UNC79: variants seen among roughly 807,000 people sequenced by gnomAD.
UNC79 encodes the protein protein unc-79 homolog.
UNC79 carries 37 observed loss-of-function variants against 283.1 expected under a neutral mutation model. The ratio of observed to expected loss-of-function variants is 0.13; its 90% confidence interval spans 0.10 to 0.17. UNC79 has a LOEUF of 0.17. Among genes scored for constraint, UNC79 ranks in the 10% least tolerant of loss-of-function variants. The pLI is 1.00. For missense variants in UNC79, 2,272 were observed against 3,211.1 expected (o/e 0.71, Z 7.07); for synonymous variants, 1,107 against 1,200.2 (o/e 0.92, Z 1.61).
Position 93,582,353 on chromosome 14 carries a change from G to A in UNC79, c.2803+9G>A. On this transcript the variant is annotated intron_variant, in intron 20 of 48. Coordinates refer to ENST00000555664, the Ensembl canonical transcript of UNC79. ...GCCCGTGGAACATGCTGGTAGGTGTGCACTGACTGCCGGGGAATGCGCCAC... is the reference window on the plus strand; with the variant it reads ...GCCCGTGGAACATGCTGGTAGGTGTACACTGACTGCCGGGGAATGCGCCAC... The A allele has an allele frequency of 6.2e-7, 1 of 1,612,554 alleles. No homozygotes were observed. Among genetic ancestry groups the A allele is most frequent in the Non-Finnish European group, 8.5e-7 (1 of 1,179,404 alleles).
intron 1 of UNC79, among the ~76,000 whole-genome samples, chr14:93,432,060 C>T (rs888978864): frequency 6.6e-6 from 1 of 152,174 alleles, no homozygotes; most frequent in East Asian, 1.9e-4. Flanking sequence ...AAGCAGTACA[C>T]GTTATATGGA....
rs1359041214 is a variant in UNC79 at position 93,491,369 on chromosome 14, ATATT to A, written c.712+3619_712+3622del. On this transcript the variant is annotated intron_variant, in intron 5 of 48. Coordinates refer to ENST00000555664, the Ensembl canonical transcript of UNC79. ...TCTGGCTTAAAATAATCAAAATACT[ATATT>A]TATTATATATTATGTCCTTAATAAA... Among the ~76,000 whole-genome samples, 8 of 152,032 alleles carry A rather than the reference ATATT, an allele frequency of 5.3e-5. No individual in the cohort carries two copies. The East Asian group carries it at 1.5e-3, about 29-fold the overall frequency.
exon 33 of UNC79, chr14:93,641,242 G>C: frequency 6.2e-7 from 1 of 1,611,862 alleles, no homozygotes; most frequent in Non-Finnish European, 8.5e-7. Context: ...CGGTGATGAC[G>C]GACAAGTAAG....
intron 2 of UNC79, among the ~76,000 whole-genome samples, chr14:93,470,301 C>T (rs1412075641): frequency 4.6e-5 from 7 of 152,110 alleles, no homozygotes; most frequent in African/African-American, 1.2e-4. Context: ...AGTAGAGTTT[C>T]GTACCTATTT....
chr14:93,366,257 G>GA (rs2054329992), intron 1 of UNC79, among the ~76,000 whole-genome samples: 1 of 152,150 alleles, frequency 6.6e-6, no homozygotes, highest in South Asian at 2.1e-4. Flanking sequence ...TCTGAGCAAA[G>GA]ATTTTTTAAA....
chr14:93,343,831 CTT>C (rs1314298796), intron 1 of UNC79, among the ~76,000 whole-genome samples: 3 of 152,144 alleles, frequency 2.0e-5, no homozygotes, highest in Admixed American at 2.0e-4. Flanking sequence ...TAATTAAGTT[CTT>C]TTATATAACT....
chr14:93,376,727 A>G (rs1414511060), intron 1 of UNC79, among the ~76,000 whole-genome samples: 1 of 152,042 alleles, frequency 6.6e-6, no homozygotes, highest in Non-Finnish European at 1.5e-5. Flanking sequence ...ATAGTGTGAT[A>G]AATTCGGTTT....
Position 93,612,792 on chromosome 14 carries a change from G to C in UNC79, c.3755-5G>C, listed in dbSNP as rs2066403995. On this transcript the variant is annotated splice_polypyrimidine_tract_variant and splice_region_variant and intron_variant, in intron 26 of 48. Transcript: ENST00000555664. ...ACCCACTGACAGCCTTTCTTCTACT[G>C]ACAGGACAACAATCTCCTGAGAATG... The C allele has an allele frequency of 6.2e-7, 1 of 1,610,586 alleles. No individual in the cohort carries two copies. Among genetic ancestry groups the C allele is most frequent in the Admixed American group, 1.7e-5 (1 of 59,924 alleles).
At position 93,523,970 on chromosome 14, in the gene UNC79, C is replaced by T. The variant is rs1372237507; in HGVS notation, c.899-8C>T. The T allele has an allele frequency of 1.9e-6, 3 of 1,613,942 alleles. No homozygotes were observed. The South Asian group carries it at 3.3e-5, about 18-fold the overall frequency. On this transcript the variant is annotated splice_region_variant and splice_polypyrimidine_tract_variant and intron_variant, in intron 7 of 48. Transcript: ENST00000555664. ...AGAAGTATTCATCAGCTGTGCTTTA[C>T]TTTACAGCTTGGAATCCCATCCACT...
intron 41 of UNC79, among the ~76,000 whole-genome samples, chr14:93,681,860 G>T (rs960152867): frequency 1.3e-5 from 2 of 152,204 alleles, no homozygotes; most frequent in Non-Finnish European, 2.9e-5. Context: ...ATTGAAATCT[G>T]GCAAATCCAT....
chr14:93,506,096 T>C lies in UNC79; in HGVS notation c.898+8810T>C, dbSNP rs972666963. ...TAAGCTCCTATCTGGGATTGAAGTT[T>C]TTTAAAATAATATCCTTTTATATTT... On this transcript the variant is annotated intron_variant, in intron 7 of 48. Coordinates refer to ENST00000555664, the Ensembl canonical transcript of UNC79. 2.6e-5 allele frequency among the ~76,000 whole-genome samples: 4 copies of C among 152,262 alleles called. 1 individual carries two copies. The highest frequency in any genetic ancestry group is 6.5e-5 in the Admixed American group (1 of 15,282).
At chr14:93,365,276 C>T (rs373807435) in intron 1 of UNC79, among the ~76,000 whole-genome samples, 1 of 149,966 alleles carries the variant, frequency 6.7e-6, no homozygotes, top group Non-Finnish European at 1.5e-5. Context: ...ATCCCAGCTA[C>T]TTGAAGGCTG....
intron 1 of UNC79, among the ~76,000 whole-genome samples, chr14:93,361,331 G>A (rs527320077): frequency 3.9e-4 from 59 of 150,760 alleles, no homozygotes; most frequent in South Asian, 1.7e-3. Flanking sequence ...GTGTTACTCC[G>A]GCCCATTTAT....
chr14:93,403,320 G>A (rs931610355), intron 1 of UNC79, among the ~76,000 whole-genome samples: 1 of 152,212 alleles, frequency 6.6e-6, no homozygotes, highest in Non-Finnish European at 1.5e-5. Flanking sequence ...CATTGCCAAG[G>A]TGAAATTCAG....
intron 1 of UNC79, among the ~76,000 whole-genome samples, chr14:93,359,805 G>A (rs1256189613): frequency 2.6e-5 from 4 of 152,160 alleles, no homozygotes; most frequent in African/African-American, 9.7e-5. Flanking sequence ...CTTGAATGAA[G>A]GGGAGGCCGG....
chr14:93,609,854 G>A (rs1044899896), intron 26 of UNC79, among the ~76,000 whole-genome samples: 4 of 152,234 alleles, frequency 2.6e-5, no homozygotes, highest in Admixed American at 1.3e-4. Context: ...GGCAATAAAC[G>A]AAGTGCAGAT....
chr14:93,574,120 A>G (rs1487047425), intron 16 of UNC79, among the ~76,000 whole-genome samples: 1 of 152,244 alleles, frequency 6.6e-6, no homozygotes, highest in Non-Finnish European at 1.5e-5. Flanking sequence ...CTTCCTACAG[A>G]TGGCTGGATG....
At chr14:93,368,337 G>C (rs376175699) in intron 1 of UNC79, among the ~76,000 whole-genome samples, 1 of 152,226 alleles carries the variant, frequency 6.6e-6, no homozygotes, top group African/African-American at 2.4e-5. Context: ...GTTTACTAGA[G>C]ACAACACCCC....
intron 30 of UNC79, among the ~76,000 whole-genome samples, chr14:93,623,762 G>A (rs892684058): frequency 2.0e-5 from 3 of 152,204 alleles, no homozygotes; most frequent in Admixed American, 6.5e-5. Flanking sequence ...GCGTGGTGGC[G>A]CACGCCTATC....
Sources: allele counts gnomAD v4.1 joint callset (sites outside exome capture counted in the v4.1 genomes callset), GRCh38; gene constraint gnomAD v4.1.1; transcripts MANE v1.5; gene names NCBI Gene and HGNC (gene_info 2026-07-23, HGNC 2026-07-21).